Variants in TNS3 observed in about 807,000 individuals in gnomAD.
TNS3 encodes the protein tensin-3.
A neutral mutation model predicts 140.9 loss-of-function variants in TNS3; 45 were observed. The observed-to-expected ratio is 0.32, with a 90% CI of 0.25 to 0.41. The LOEUF (loss-of-function observed/expected upper bound fraction) is 0.41. Among genes scored for constraint, TNS3 ranks in the 10% least tolerant of loss-of-function variants. TNS3 has a pLI of 1.00. For synonymous variants in TNS3, 815 were observed against 788.4 expected, an observed-to-expected ratio of 1.03 and a Z score of -0.56; for missense variants, 1,716 against 1,906.7, an observed-to-expected ratio of 0.90 and a Z score of 1.86.
intron 17 of TNS3, among the ~76,000 whole-genome samples, chr7:47,358,787 G>A (rs1790153045): frequency 6.6e-6 from 1 of 152,172 alleles, no homozygotes; most frequent in South Asian, 2.1e-4. Context: ...TGTCGTAACT[G>A]CTCCACCCTG....
intron 17 of TNS3, among the ~76,000 whole-genome samples, chr7:47,357,400 CT>C (rs1300046388): frequency 6.6e-6 from 1 of 152,172 alleles, no homozygotes; most frequent in Non-Finnish European, 1.5e-5. Flanking sequence ...ACACACTAAT[CT>C]TTTCGAGACA....
chr7:47,399,795 G>GCTGCCCA, intron 15 of TNS3, among the ~76,000 whole-genome samples: 2 of 152,220 alleles, frequency 1.3e-5, no homozygotes, highest in South Asian at 2.1e-4. Flanking sequence ...GACCCCAAAA[G>GCTGCCCA]CAAATGCAAC....
chr7:47,482,575 G>A (rs1211018513), intron 3 of TNS3, among the ~76,000 whole-genome samples: 1 of 152,244 alleles, frequency 6.6e-6, no homozygotes, highest in African/African-American at 2.4e-5. Flanking sequence ...ATGGTTAACA[G>A]AGCGGTGTGA....
chr7:47,390,340 C>T (rs1009693146), intron 16 of TNS3, among the ~76,000 whole-genome samples: 1 of 152,222 alleles, frequency 6.6e-6, no homozygotes, highest in East Asian at 1.9e-4. Context: ...CTGGCACTTC[C>T]GGGCCAGCTC....
In TNS3 at chr7:47,333,076, G is replaced by A. The variant is rs575254990; in HGVS notation, c.2650+11679C>T. On this transcript the variant is annotated intron_variant, in intron 20 of 30. Transcript: ENST00000311160. ...ACACTTCCAAGCTGGCCTGCTCCGCGGATGAGGTGTCAGCACAGAAAGCCA... is the reference window on the plus strand; with the variant it reads ...ACACTTCCAAGCTGGCCTGCTCCGCAGATGAGGTGTCAGCACAGAAAGCCA... Among the ~76,000 whole-genome samples the A allele has an allele frequency of 2.2e-4, 34 of 152,090 alleles. No homozygotes were observed. The South Asian group carries it at 6.8e-3, about 31-fold the overall frequency.
intron 27 of TNS3, among the ~76,000 whole-genome samples, chr7:47,290,604 C>T (rs938122545): frequency 1.3e-5 from 2 of 152,172 alleles, no homozygotes; most frequent in African/African-American, 4.8e-5. Context: ...AAAGGTGCTA[C>T]ACATCATAAG....
At chr7:47,574,567 T>C (rs1365531040) in intron 1 of TNS3, among the ~76,000 whole-genome samples, 1 of 151,084 alleles carries the variant, frequency 6.6e-6, no homozygotes, top group Non-Finnish European at 1.5e-5. Context: ...AGCCGAAGGG[T>C]AGAAGTAACT....
chr7:47,394,821 G>A (rs75787905), intron 16 of TNS3, among the ~76,000 whole-genome samples: 6,281 of 152,314 alleles, frequency 0.041, 178 homozygotes, highest in Non-Finnish European at 0.06. Flanking sequence ...TGCTGCAGGC[G>A]CCCAGCTTTC....
rs565320229 is a variant in TNS3 at position 47,280,449 on chromosome 7, C to A, written c.4098-95G>T. The A allele has an allele frequency of 1.3e-4, 141 of 1,112,236 alleles. No individual in the cohort carries two copies. The African/African-American group carries it at 2.0e-3, about 16-fold the overall frequency. The allele number at this position is 1,112,236 out of a possible 1,614,324, so 68.9% of individuals were successfully genotyped here. On this transcript the variant is annotated intron_variant, in intron 28 of 30. Coordinates refer to ENST00000311160, the MANE Select transcript of TNS3 (RefSeq NM_022748.12). Reference sequence around the variant, plus strand: ...GCGGGCTCTCCCATACATGAAGATTCTTCCAGCAGAAAACATTTCATACTT... The same window carrying A: ...GCGGGCTCTCCCATACATGAAGATTATTCCAGCAGAAAACATTTCATACTT...
At chr7:47,332,476 T>C (rs1409438120) in intron 20 of TNS3, among the ~76,000 whole-genome samples, 1 of 152,172 alleles carries the variant, frequency 6.6e-6, no homozygotes, top group East Asian at 1.9e-4. Context: ...AGGCCCGAGC[T>C]GTGGATTCCG....
intron 7 of TNS3, among the ~76,000 whole-genome samples, chr7:47,436,192 T>C (rs534373975): frequency 1.3e-5 from 2 of 152,356 alleles, no homozygotes; most frequent in East Asian, 3.9e-4. Flanking sequence ...AATGTTTTCA[T>C]GAATCCCTTA....
intron 1 of TNS3, among the ~76,000 whole-genome samples, chr7:47,549,274 C>G (rs1445743183): frequency 6.6e-6 from 1 of 152,114 alleles, no homozygotes; most frequent in East Asian, 1.9e-4. Flanking sequence ...GGGCAGGTCA[C>G]GAGGTCAGGA....
chr7:47,413,143 G>A (rs541590575), intron 12 of TNS3, among the ~76,000 whole-genome samples: 2 of 151,788 alleles, frequency 1.3e-5, no homozygotes, highest in East Asian at 3.9e-4. Flanking sequence ...TAGTAGAGAC[G>A]GGATTTCACC....
intron 8 of TNS3, among the ~76,000 whole-genome samples, chr7:47,429,637 G>A (rs1026709864): frequency 6.6e-6 from 1 of 152,172 alleles, no homozygotes; most frequent in South Asian, 2.1e-4. Flanking sequence ...AAAGTGCTGG[G>A]ACTATGGGAC....
chr7:47,426,593 G>A (rs1465483434), intron 9 of TNS3, among the ~76,000 whole-genome samples: 6 of 152,126 alleles, frequency 3.9e-5, no homozygotes, highest in Admixed American at 3.3e-4. Flanking sequence ...ACAACATTCT[G>A]GGAAGTAGAG....
intron 2 of TNS3, among the ~76,000 whole-genome samples, chr7:47,522,330 T>A (rs372667653): frequency 2.0e-5 from 3 of 152,152 alleles, no homozygotes; most frequent in African/African-American, 7.2e-5. Flanking sequence ...GCCGCAAGCC[T>A]CTGCACTGGT....
intron 3 of TNS3, chr7:47,481,627 AAG>A (rs768736893): frequency 1.0e-6 from 1 of 980,594 alleles, no homozygotes; most frequent in Non-Finnish European, 1.2e-6. Context: ...AGTAGAACTG[AAG>A]AGTCTGAATG....
intron 2 of TNS3, among the ~76,000 whole-genome samples, chr7:47,507,772 C>T (rs1334383565): frequency 6.6e-6 from 1 of 152,200 alleles, no homozygotes; most frequent in Non-Finnish European, 1.5e-5. Context: ...CTAATAATCC[C>T]AACACAGCCT....
At chr7:47,364,721 C>T (rs1012076784) in intron 17 of TNS3, among the ~76,000 whole-genome samples, 2 of 152,220 alleles carry the variant, frequency 1.3e-5, no homozygotes, top group African/African-American at 4.8e-5. Context: ...ACAAGAGGCA[C>T]GTCCTGGAAG....
Sources: allele counts gnomAD v4.1 joint callset (sites outside exome capture counted in the v4.1 genomes callset), GRCh38; gene constraint gnomAD v4.1.1; transcripts MANE v1.5; gene names NCBI Gene and HGNC (gene_info 2026-07-23, HGNC 2026-07-21).